ACTR6: variants seen among roughly 807,000 people sequenced by gnomAD.
The protein encoded by ACTR6 is actin-related protein 6.
ACTR6 carries 50 observed loss-of-function variants against 52.5 expected under a neutral mutation model. The observed-to-expected ratio is 0.95, with a 90% CI of 0.76 to 1.20. ACTR6 has a LOEUF of 1.20. ACTR6 is among the 50% of genes most tolerant of loss of function. The pLI, the probability that ACTR6 is intolerant of heterozygous loss-of-function variation, is 0.00. For missense variants in ACTR6, 344 were observed against 472.4 expected (o/e 0.73, Z 2.52); for synonymous variants, 135 against 147.2 (o/e 0.92, Z 0.60).
intron 8 of ACTR6, 32 bp downstream of exon 8, chr12:100,212,560 C>T (rs1259823090): frequency 6.6e-7 from 1 of 1,522,554 alleles, no homozygotes; most frequent in Non-Finnish European, 9.1e-7. Context: ...TGGTTGGTTG[C>T]TGCGGCTCCT....
Position 100,206,818 on chromosome 12 carries a change from G to A in ACTR6, c.256-845G>A, listed in dbSNP as rs567838410. 9.4e-5 allele frequency among the ~76,000 whole-genome samples: 14 copies of A among 149,174 alleles called. No individual in the cohort carries two copies. In the South Asian group the frequency reaches 1.3e-3, roughly 14 times the overall value. On this transcript the variant is annotated intron_variant, in intron 3 of 10. Transcript: ENST00000188312. ...TGAGTAGCTGGGATTACAGGCATGC[G>A]CCACCACACCTGGCTCTTTTTTTTT... is the stretch of plus-strand genomic sequence containing the variant.
Position 100,205,689 on chromosome 12 carries a change from A to G in ACTR6, c.200A>G (p.Asn67Ser), listed in dbSNP as rs778211114. Residue 67 changes from asparagine to serine, a missense_variant, in exon 3 of 11, where the codon AAT becomes AGT. Asn to Ser is a conservative substitution (Grantham distance 46). Transcript: ENST00000188312. ...AACATTTTTTAGGGCTACTTGGTGA[A>G]TTGGGATGTTCAGAGACAAGTTTGG... ...ILPFQKGYLVNWDVQRQVWDY... is the reference protein window; with the variant it reads ...ILPFQKGYLVSWDVQRQVWDY... 10 of 1,519,600 alleles carry G rather than the reference A, an allele frequency of 6.6e-6. No individual in the cohort carries two copies. The highest frequency in any genetic ancestry group is 8.8e-6 in the Non-Finnish European group (10 of 1,136,816). The allele number at this position is 1,519,600 out of a possible 1,614,324, so 94.1% of individuals were successfully genotyped here.
At chr12:100,211,457 G>C (rs78367981) in intron 6 of ACTR6, among the ~76,000 whole-genome samples, 10,533 of 152,068 alleles carry the variant, frequency 0.069, 438 homozygotes, top group African/African-American at 0.093. Context: ...TTTTTTTGTA[G>C]AAACAGGTTC....
intron 1 of ACTR6, among the ~76,000 whole-genome samples, chr12:100,204,571 G>C (rs1464532951): frequency 6.6e-6 from 1 of 152,098 alleles, no homozygotes; most frequent in East Asian, 1.9e-4. Flanking sequence ...CACCCTGTTG[G>C]CCAGGCTGGT....
intron 10 of ACTR6, among the ~76,000 whole-genome samples, chr12:100,221,066 T>G (rs2096127897): frequency 6.6e-6 from 1 of 151,046 alleles, no homozygotes; most frequent in African/African-American, 2.4e-5. Flanking sequence ...TAAGGGCTTA[T>G]ATATCATCCT....
Position 100,218,725 on chromosome 12 carries a change from T to A in ACTR6, c.922+139T>A. 1 of 469,846 alleles carries A rather than the reference T, an allele frequency of 2.1e-6. No individual in the cohort carries two copies. The highest frequency in any genetic ancestry group is 3.5e-6 in the Non-Finnish European group (1 of 288,420). The allele number at this position is 469,846 out of a possible 1,614,324, so 29.1% of individuals were successfully genotyped here. A position where few individuals can be genotyped will look rare whatever the true frequency, so the allele number is the denominator to read the frequency against. On this transcript the variant is annotated intron_variant, in intron 9 of 10. Coordinates refer to ENST00000188312, the MANE Select transcript of ACTR6 (RefSeq NM_022496.5). This position sits in a 1 kb window ranked among gnomAD's most constrained non-coding sequence, Gnocchi z 4.2. ...TTGCAGAGATTTGTAGATCCCATAA[T>A]GCATTTATATAATTCTTGATTCATC...
At position 100,210,205 on chromosome 12, in the gene ACTR6, T is replaced by C. The variant is rs1419056890; in HGVS notation, c.512T>C (p.Ile171Thr). 6.2e-7 allele frequency: 1 copy of C among 1,602,740 alleles called. No homozygotes were observed. Among genetic ancestry groups the C allele is most frequent in the South Asian group, 1.1e-5 (1 of 89,434 alleles). Residue 171 changes from isoleucine to threonine, a missense_variant, in exon 5 of 11, where the codon ATT (isoleucine) becomes ACT (threonine). Transcript: ENST00000188312. ...AGTAAAAAGAAAAAAGAAGCAATTA[T>C]TCGGTGAGTTGTATTTAATTTTCAT... ...CRSKKKKEAI[I>T]RINVGGKLLT... is the part of the protein sequence containing the mutation.
At chr12:100,216,999 G>A (rs1291824874) in intron 8 of ACTR6, among the ~76,000 whole-genome samples, 1 of 152,136 alleles carries the variant, frequency 6.6e-6, no homozygotes, top group East Asian at 1.9e-4. Flanking sequence ...TCCAGGTTAT[G>A]AGTGGTAGTA....
intron 8 of ACTR6, among the ~76,000 whole-genome samples, chr12:100,217,236 T>C (rs757779050): frequency 6.6e-6 from 1 of 152,228 alleles, no homozygotes; most frequent in East Asian, 1.9e-4. Flanking sequence ...ATCTACTGTG[T>C]GCCAGGTACT....
rs1441987844 is a variant in ACTR6 at position 100,218,078 on chromosome 12, G to A, written c.751-337G>A. 6.6e-6 allele frequency among the ~76,000 whole-genome samples: 1 copy of A among 152,102 alleles called. No homozygotes were observed. The highest frequency in any genetic ancestry group is 6.6e-5 in the Admixed American group (1 of 15,250). ...CTGTCTTGAACTCCCGGGCTCAAGTGATCCATCCGCCTTGACCTCCCAAAG... is the reference window on the plus strand; with the variant it reads ...CTGTCTTGAACTCCCGGGCTCAAGTAATCCATCCGCCTTGACCTCCCAAAG... On this transcript the variant is annotated intron_variant, in intron 8 of 10. Coordinates refer to ENST00000188312, the MANE Select transcript of ACTR6 (RefSeq NM_022496.5). This position sits in a 1 kb window ranked among gnomAD's most constrained non-coding sequence, Gnocchi z 4.2.
intron 8 of ACTR6, among the ~76,000 whole-genome samples, chr12:100,214,014 A>T (rs556796573): frequency 6.6e-6 from 1 of 152,372 alleles, no homozygotes; most frequent in African/African-American, 2.4e-5. Flanking sequence ...CGTATAGTAA[A>T]ATAATAAGCA....
intron 1 of ACTR6, among the ~76,000 whole-genome samples, chr12:100,201,659 T>C (rs1347252394): frequency 6.6e-6 from 1 of 152,204 alleles, no homozygotes; most frequent in Non-Finnish European, 1.5e-5. Flanking sequence ...ATGTGTATCA[T>C]TATCATTGTC....
rs781708041 is a variant in ACTR6, at chr12:100,220,046, G to A, written c.961G>A (p.Gly321Arg). ...PHFFKNIVLT[G>R]GNSLFPGFRD... ...TTTTTTTAAGAACATTGTCTTGACA[G>A]GAGGAAATTCCCTTTTCCCAGGATT... The change falls in exon 10 of 11, where the codon GGA (glycine) becomes AGA (arginine). Residue 321 changes from glycine to arginine, a missense_variant. Transcript: ENST00000188312. 2 of 1,613,872 alleles carry A rather than the reference G, an allele frequency of 1.2e-6. No individual in the cohort carries two copies. Among genetic ancestry groups the A allele is most frequent in the Non-Finnish European group, 1.7e-6 (2 of 1,179,918 alleles).
chr12:100,218,102 A>C lies in ACTR6; in HGVS notation c.751-313A>C, dbSNP rs1431286907. ...TGATCCATCCGCCTTGACCTCCCAAAGTGCTGGGATTACAGGTGTGAGCCA... is the reference window on the plus strand; with the variant it reads ...TGATCCATCCGCCTTGACCTCCCAACGTGCTGGGATTACAGGTGTGAGCCA... On this transcript the variant is annotated intron_variant, in intron 8 of 10. Coordinates refer to ENST00000188312, the MANE Select transcript of ACTR6 (RefSeq NM_022496.5). This position sits in a 1 kb window ranked among gnomAD's most constrained non-coding sequence, Gnocchi z 4.2. 6.6e-6 allele frequency among the ~76,000 whole-genome samples: 1 copy of C among 152,086 alleles called. No individual in the cohort carries two copies. Among genetic ancestry groups the C allele is most frequent in the Non-Finnish European group, 1.5e-5 (1 of 68,010 alleles).
chr12:100,223,487 T>G (rs1401836391), intron 10 of ACTR6, among the ~76,000 whole-genome samples: 1 of 152,244 alleles, frequency 6.6e-6, no homozygotes, highest in Non-Finnish European at 1.5e-5. Flanking sequence ...TTTGCTTATA[T>G]CCTTGTTTTT....
Position 100,209,398 on chromosome 12 carries a change from AC to A in ACTR6, c.380-674del, listed in dbSNP as rs570905555. Among the ~76,000 whole-genome samples, 977 of 152,286 alleles carry A rather than the reference AC, an allele frequency of 6.4e-3. 6 individuals carry two copies. Among genetic ancestry groups the A allele is most frequent in the African/African-American group, 0.022 (928 of 41,548 alleles). On this transcript the variant is annotated intron_variant, in intron 4 of 10. Coordinates refer to ENST00000188312, the MANE Select transcript of ACTR6 (RefSeq NM_022496.5). ...TAACCAGGCATGGTGGTGCATGTGT[AC>A]AGTCCCAGCTACTGGAGAGGCTGAG...
At chr12:100,221,395 A>T (rs2096128165) in intron 10 of ACTR6, among the ~76,000 whole-genome samples, 1 of 152,206 alleles carries the variant, frequency 6.6e-6, no homozygotes, top group African/African-American at 2.4e-5. Flanking sequence ...TAAACAATTT[A>T]AAAATATTGG....
chr12:100,205,486 G>A (rs1378560695), intron 2 of ACTR6, 190 bp from the exon 3 acceptor site: 2 of 358,996 alleles, frequency 5.6e-6, no homozygotes, highest in East Asian at 9.9e-5. Flanking sequence ...AGAATTTAAA[G>A]TATAATAAAA....
rs1337709347 is a variant in ACTR6, at chr12:100,220,020, A to AT, written c.942dup (p.Lys315Ter). 2 of 1,612,478 alleles carry AT rather than the reference A, an allele frequency of 1.2e-6. No homozygotes were observed. Among genetic ancestry groups the AT allele is most frequent in the Non-Finnish European group, 1.7e-6 (2 of 1,179,540 alleles). ...TCTTCTTTTAAAGAAATGCAGCCGC[A>AT]TTTTTTTAAGAACATTGTCTTGACA... On this transcript the variant is annotated frameshift_variant, in exon 10 of 11. Transcript: ENST00000188312. LOFTEE classifies it high-confidence loss of function.
Sources: gnomAD v4.1 joint callset for allele counts (sites outside exome capture counted in the v4.1 genomes callset) on GRCh38, gnomAD v4.1.1 for gene constraint, Gnocchi (gnomAD v3.1) non-coding constraint, MANE v1.5 for transcripts, NCBI Gene and HGNC (gene_info 2026-07-23, HGNC 2026-07-21) for gene names.